The following STPG2 variants were observed in gnomAD, a reference collection of about 807,000 sequenced individuals.
The protein encoded by STPG2 is sperm tail PG-rich repeat containing 2, also known as sperm-tail PG-rich repeat-containing protein 2.
A neutral mutation model predicts 54.2 loss-of-function variants in STPG2; 56 were observed. The observed-to-expected ratio is 1.03, with a 90% CI of 0.83 to 1.29. The LOEUF is 1.29. Among genes scored for constraint, STPG2 ranks in the 50% most tolerant of loss-of-function variants. STPG2 has a pLI of 0.00. For synonymous variants in STPG2, 200 were observed against 181.8 expected, an observed-to-expected ratio of 1.10 and a Z score of -0.81; for missense variants, 596 against 544.9, an observed-to-expected ratio of 1.09 and a Z score of -0.93.
chr4:97,550,484 G>A (rs1428469194), intron 4 of STPG2, among the ~76,000 whole-genome samples: 2 of 151,942 alleles, frequency 1.3e-5, no homozygotes, highest in South Asian at 2.1e-4. Context: ...CTTATAATAC[G>A]GAATAGCCTA....
intron 5 of STPG2, among the ~76,000 whole-genome samples, chr4:98,055,731 C>CT (rs1737461442): frequency 2.0e-5 from 3 of 152,172 alleles, no homozygotes; most frequent in South Asian, 2.1e-4. Flanking sequence ...CCATAAGAGA[C>CT]TTTAGCCCTA....
chr4:98,028,304 T>C (rs767749126), intron 5 of STPG2, among the ~76,000 whole-genome samples: 11 of 152,210 alleles, frequency 7.2e-5, no homozygotes, highest in Non-Finnish European at 1.2e-4. Context: ...CTTCAATTTG[T>C]GCTTTTCCTG....
At chr4:97,552,732 G>A (rs530460938) in intron 4 of STPG2, among the ~76,000 whole-genome samples, 5 of 152,050 alleles carry the variant, frequency 3.3e-5, no homozygotes, top group African/African-American at 1.2e-4. Context: ...AAACTCTAAT[G>A]TAAAGAAAAA....
chr4:97,811,938 C>T (rs923236052), intron 9 of STPG2, among the ~76,000 whole-genome samples: 1 of 151,960 alleles, frequency 6.6e-6, no homozygotes, highest in African/African-American at 2.4e-5. Context: ...TCAGATGTTT[C>T]ATTTGTAGTA....
intron 7 of STPG2, among the ~76,000 whole-genome samples, chr4:97,952,288 C>T (rs774907078): frequency 1.3e-5 from 2 of 152,068 alleles, no homozygotes; most frequent in South Asian, 2.1e-4. Flanking sequence ...AAAAAGAATT[C>T]CCCTTCTCCA....
At chr4:98,116,334 G>A (rs150326591) in intron 3 of STPG2, among the ~76,000 whole-genome samples, 110 of 151,912 alleles carry the variant, frequency 7.2e-4, no homozygotes, top group Non-Finnish European at 1.4e-3. Context: ...CTAAAGCCAA[G>A]AATCTATGAC....
intron 9 of STPG2, among the ~76,000 whole-genome samples, chr4:97,751,031 T>G (rs1258172553): frequency 1.3e-5 from 2 of 151,820 alleles, no homozygotes; most frequent in Non-Finnish European, 2.9e-5. Flanking sequence ...ACACAGCAGG[T>G]CTGAGTTGCT....
At chr4:98,016,276 A>G (rs765264479) in intron 5 of STPG2, among the ~76,000 whole-genome samples, 4 of 152,140 alleles carry the variant, frequency 2.6e-5, no homozygotes, top group Non-Finnish European at 5.9e-5. Flanking sequence ...ATTTTAGGCT[A>G]TTTGAGCTTC....
intron 10 of STPG2, among the ~76,000 whole-genome samples, chr4:97,647,232 T>G (rs1721937435): frequency 6.6e-6 from 1 of 152,150 alleles, no homozygotes; most frequent in African/African-American, 2.4e-5. Context: ...GGCTCTGCCA[T>G]TTAAGTTATA....
chr4:97,461,479 C>T (rs1729661764), intron 4 of STPG2, among the ~76,000 whole-genome samples: 1 of 152,186 alleles, frequency 6.6e-6, no homozygotes, highest in Non-Finnish European at 1.5e-5. Flanking sequence ...GGCCAGAGAG[C>T]TAGCTAGCTT....
At chr4:97,743,996 A>G (rs1234277899) in intron 9 of STPG2, among the ~76,000 whole-genome samples, 1 of 151,378 alleles carries the variant, frequency 6.6e-6, no homozygotes, top group Admixed American at 6.6e-5. Context: ...AATAAAAAAT[A>G]ATAGGACTGA....
intron 9 of STPG2, among the ~76,000 whole-genome samples, chr4:97,750,530 C>T (rs1160587015): frequency 6.6e-6 from 1 of 151,514 alleles, no homozygotes; most frequent in Non-Finnish European, 1.5e-5. Context: ...AAGAAGAAAG[C>T]CTAAATAGTG....
At chr4:97,768,553 G>C (rs1726126980) in intron 9 of STPG2, among the ~76,000 whole-genome samples, 1 of 152,202 alleles carries the variant, frequency 6.6e-6, no homozygotes, top group African/African-American at 2.4e-5. Flanking sequence ...ATGTGCAATT[G>C]TGCTTCATGC....
intron 4 of STPG2, among the ~76,000 whole-genome samples, chr4:97,526,110 C>T (rs1731274994): frequency 6.6e-6 from 1 of 151,972 alleles, no homozygotes; most frequent in South Asian, 2.1e-4. Context: ...AGATTAGTTT[C>T]CCTCTAATAA....
intron 9 of STPG2, among the ~76,000 whole-genome samples, chr4:97,721,782 G>C (rs1185522896): frequency 6.6e-6 from 1 of 151,998 alleles, no homozygotes. Flanking sequence ...CTCTAAAACA[G>C]AACATGGTAC....
chr4:97,817,507 T>A (rs1187512337), intron 9 of STPG2, among the ~76,000 whole-genome samples: 3 of 151,946 alleles, frequency 2.0e-5, no homozygotes. Flanking sequence ...AAATCCAAAT[T>A]TTCCTTATAA....
Position 97,692,609 on chromosome 4 carries a change from T to C in STPG2, c.1320+20090A>G, listed in dbSNP as rs180727212. 5.6e-3 allele frequency among the ~76,000 whole-genome samples: 859 copies of C among 152,290 alleles called. 5 individuals are homozygous for C. Among genetic ancestry groups the C allele is most frequent in the Non-Finnish European group, 9.6e-3 (653 of 68,010 alleles). On this transcript the variant is annotated intron_variant, in intron 10 of 10. Coordinates refer to ENST00000295268, the MANE Select transcript of STPG2 (RefSeq NM_174952.3). ...GAGGAAGAAGAGAAATCTAAAAGTTTAGAAAAGATATTTGAGGGAATAATC... is the reference window on the plus strand; with the variant it reads ...GAGGAAGAAGAGAAATCTAAAAGTTCAGAAAAGATATTTGAGGGAATAATC...
intron 4 of STPG2, among the ~76,000 whole-genome samples, chr4:97,526,257 T>C (rs1017610729): frequency 2.0e-5 from 3 of 152,092 alleles, no homozygotes; most frequent in Non-Finnish European, 4.4e-5. Context: ...TTAGTTTCTC[T>C]AAAGAGAATT....
intron 5 of STPG2, among the ~76,000 whole-genome samples, chr4:98,039,636 C>T (rs988011464): frequency 6.6e-6 from 1 of 151,242 alleles, no homozygotes; most frequent in African/African-American, 2.4e-5. Context: ...GCAGTATATT[C>T]ATGTAACAAA....
Sources: allele counts gnomAD v4.1 joint callset (sites outside exome capture counted in the v4.1 genomes callset), GRCh38; gene constraint gnomAD v4.1.1; transcripts MANE v1.5; gene names NCBI Gene and HGNC (gene_info 2026-07-23, HGNC 2026-07-21).